Variants in JARID2 observed in about 807,000 individuals in gnomAD.
JARID2 encodes the protein jumonji and AT-rich interaction domain containing 2, also known as protein Jumonji.
A neutral mutation model predicts 125.6 loss-of-function variants in JARID2; 21 were observed. That is an observed-to-expected ratio of 0.17 (90% CI 0.12 to 0.24). JARID2 has a LOEUF of 0.24. Ranked by LOEUF, JARID2 falls within the 10% of genes least tolerant of loss-of-function variation. The pLI is 1.00. For missense variants in JARID2, 1,303 were observed against 1,639.6 expected, an observed-to-expected ratio of 0.79 and a Z score of 3.55; for synonymous variants, 736 against 661.6, an observed-to-expected ratio of 1.11 and a Z score of -1.73.
intron 2 of JARID2, among the ~76,000 whole-genome samples, chr6:15,400,459 G>C (rs1224034181): frequency 2.0e-5 from 3 of 151,776 alleles, no homozygotes; most frequent in Non-Finnish European, 2.9e-5. Flanking sequence ...ACTGCGCCCT[G>C]GAGTCCGCTG....
chr6:15,394,143 TAAAG>T (rs909691675), intron 2 of JARID2, among the ~76,000 whole-genome samples: 1 of 152,170 alleles, frequency 6.6e-6, no homozygotes, highest in African/African-American at 2.4e-5. Flanking sequence ...ATTTCAAACA[TAAAG>T]AGAGTTCTTT....
At chr6:15,478,204 G>A (rs1267858820) in intron 5 of JARID2, among the ~76,000 whole-genome samples, 1 of 152,212 alleles carries the variant, frequency 6.6e-6, no homozygotes, top group Non-Finnish European at 1.5e-5. Flanking sequence ...GTATCTGGTG[G>A]TGGAAGAGAA....
chr6:15,257,964 A>AAGG (rs1759731284), intron 1 of JARID2, among the ~76,000 whole-genome samples: 1 of 152,218 alleles, frequency 6.6e-6, no homozygotes, highest in Non-Finnish European at 1.5e-5. Context: ...AGGGAAGGGA[A>AAGG]AGGGAGAGCC....
At chr6:15,374,495 T>C (rs1764279816) in intron 2 of JARID2, among the ~76,000 whole-genome samples, 1 of 152,242 alleles carries the variant, frequency 6.6e-6, no homozygotes, top group African/African-American at 2.4e-5. Context: ...GGTCCTGTCT[T>C]GCTGGTTTTT....
chr6:15,317,293 G>C (rs1762211549), intron 1 of JARID2, among the ~76,000 whole-genome samples: 1 of 152,074 alleles, frequency 6.6e-6, no homozygotes, highest in Non-Finnish European at 1.5e-5. Flanking sequence ...AGTTTTTTCT[G>C]TTTTGCAGGA....
At chr6:15,262,548 T>TA (rs1759922480) in intron 1 of JARID2, among the ~76,000 whole-genome samples, 1 of 150,576 alleles carries the variant, frequency 6.6e-6, no homozygotes, top group South Asian at 2.1e-4. Flanking sequence ...TTTTTTTTTT[T>TA]TTTTGAGATG....
At chr6:15,409,688 T>C (rs1765797353) in intron 2 of JARID2, among the ~76,000 whole-genome samples, 1 of 152,148 alleles carries the variant, frequency 6.6e-6, no homozygotes. Flanking sequence ...CAAAGGCAAA[T>C]CCGGTTACAA....
intron 1 of JARID2, among the ~76,000 whole-genome samples, chr6:15,308,010 C>T (rs760578461): frequency 3.3e-5 from 5 of 152,176 alleles, no homozygotes; most frequent in Non-Finnish European, 7.3e-5. Context: ...TCAAAACTTT[C>T]GAGTTTCCAT....
At chr6:15,324,236 G>T (rs1467202176) in intron 1 of JARID2, 1 of 151,362 alleles carries the variant, frequency 6.6e-6, no homozygotes, top group Non-Finnish European at 1.5e-5. Context: ...TTTGTATGAA[G>T]CCCAAGGTAT....
At chr6:15,279,896 T>C (rs1395246297) in intron 1 of JARID2, among the ~76,000 whole-genome samples, 1 of 152,228 alleles carries the variant, frequency 6.6e-6, no homozygotes, top group East Asian at 1.9e-4. Context: ...GTTGTTATCC[T>C]AATTTTGCAT....
chr6:15,262,862 G>A (rs894459239), intron 1 of JARID2, among the ~76,000 whole-genome samples: 1 of 152,118 alleles, frequency 6.6e-6, no homozygotes. Flanking sequence ...TGCGGTGAAC[G>A]TTTGTGTGGA....
intron 3 of JARID2, among the ~76,000 whole-genome samples, chr6:15,417,812 T>C (rs1766302802): frequency 6.6e-6 from 1 of 152,184 alleles, no homozygotes; most frequent in African/African-American, 2.4e-5. Context: ...GTATGTTAGA[T>C]GTTAGTAGCC....
rs78170681 is a variant in JARID2 at position 15,257,061 on chromosome 6, C to T, written c.45+10477C>T. Reference sequence around the variant, plus strand: ...TGTTGTAAAGTGACCTGCTTGTGGTCGCATATTTTATCAGACACAGCTGGG... The same window carrying T: ...TGTTGTAAAGTGACCTGCTTGTGGTTGCATATTTTATCAGACACAGCTGGG... On this transcript the variant is annotated intron_variant, in intron 1 of 17. Transcript: ENST00000341776. Among the ~76,000 whole-genome samples, 892 of 152,162 alleles carry T rather than the reference C, an allele frequency of 5.9e-3. 7 individuals are homozygous for T. The highest frequency in any genetic ancestry group is 0.019 in the African/African-American group (802 of 41,510).
At chr6:15,508,484 G>A in intron 12 of JARID2, 30 bp downstream of exon 12, 1 of 1,189,104 alleles carries the variant, frequency 8.4e-7, no homozygotes, top group Non-Finnish European at 1.3e-6. Flanking sequence ...GGGAAGGGAG[G>A]GACTGCAGAA....
intron 7 of JARID2, among the ~76,000 whole-genome samples, chr6:15,497,846 C>T (rs1419278961): frequency 6.6e-6 from 1 of 152,060 alleles, no homozygotes; most frequent in Non-Finnish European, 1.5e-5. Context: ...GGTCTAGGGG[C>T]CAGCAGGGTT....
chr6:15,302,024 T>C (rs1457743515), intron 1 of JARID2, among the ~76,000 whole-genome samples: 1 of 152,204 alleles, frequency 6.6e-6, no homozygotes, highest in Admixed American at 6.5e-5. Flanking sequence ...GAGGGAAACG[T>C]GATACCTTTT....
At chr6:15,461,144 C>T (rs1037264886) in intron 4 of JARID2, among the ~76,000 whole-genome samples, 4 of 152,188 alleles carry the variant, frequency 2.6e-5, no homozygotes, top group African/African-American at 9.7e-5. Flanking sequence ...GACCTTGTGG[C>T]ATTTGACTGG....
intron 4 of JARID2, among the ~76,000 whole-genome samples, chr6:15,465,616 A>G (rs1768685313): frequency 6.6e-6 from 1 of 151,234 alleles, no homozygotes; most frequent in Admixed American, 6.6e-5. Context: ...GGAATGTGAT[A>G]TTTGCTTCAT....
At chr6:15,353,517 C>G (rs1046834934) in intron 1 of JARID2, among the ~76,000 whole-genome samples, 2 of 152,148 alleles carry the variant, frequency 1.3e-5, no homozygotes, top group African/African-American at 2.4e-5. Flanking sequence ...TCTTTCTGAA[C>G]AACAACAGCA....
Sources: allele counts gnomAD v4.1 joint callset (sites outside exome capture counted in the v4.1 genomes callset), GRCh38; gene constraint gnomAD v4.1.1; transcripts MANE v1.5; gene names NCBI Gene and HGNC (gene_info 2026-07-23, HGNC 2026-07-21).